Variants in DLG2 observed in about 807,000 individuals in gnomAD.
DLG2 encodes disks large homolog 2.
DLG2 carries 45 observed loss-of-function variants against 132.5 expected under a neutral mutation model. That is an observed-to-expected ratio of 0.34 (90% CI 0.27 to 0.44). The LOEUF is 0.44. Ranked by LOEUF, DLG2 falls within the 20% of genes least tolerant of loss-of-function variation. The pLI, the probability that DLG2 is intolerant of heterozygous loss-of-function variation, is 1.00. For missense variants in DLG2, 1,045 were observed against 1,196.9 expected, an observed-to-expected ratio of 0.87 and a Z score of 1.87; for synonymous variants, 424 against 419.6, an observed-to-expected ratio of 1.01 and a Z score of -0.13.
At chr11:85,310,020 A>G (rs1414544656) in intron 3 of DLG2, among the ~76,000 whole-genome samples, 1 of 152,180 alleles carries the variant, frequency 6.6e-6, no homozygotes, top group Non-Finnish European at 1.5e-5. Flanking sequence ...AAAGCTATAA[A>G]CCATCCAATT....
intron 3 of DLG2, among the ~76,000 whole-genome samples, chr11:85,502,237 G>A (rs941982302): frequency 6.6e-6 from 1 of 152,020 alleles, no homozygotes; most frequent in Admixed American, 6.6e-5. Context: ...ATGGAGACAG[G>A]GAGGGGAACA....
At chr11:84,406,913 G>A (rs2098854321) in intron 7 of DLG2, among the ~76,000 whole-genome samples, 2 of 152,204 alleles carry the variant, frequency 1.3e-5, no homozygotes, top group South Asian at 4.1e-4. Flanking sequence ...AGAGGGAAAA[G>A]GAGACTGTCA....
chr11:83,827,140 A>G (rs970397538), intron 17 of DLG2, among the ~76,000 whole-genome samples: 1 of 152,294 alleles, frequency 6.6e-6, no homozygotes, highest in Non-Finnish European at 1.5e-5. Context: ...CTGGCGGCTC[A>G]TATGAGGACC....
chr11:83,467,796 TATATATATATATATAC>T lies in DLG2; in HGVS notation c.2620-995_2620-980del, dbSNP rs1486220821. 4.2e-3 allele frequency among the ~76,000 whole-genome samples: 442 copies of T among 105,394 alleles called. 10 individuals are homozygous for T. The highest frequency in any genetic ancestry group is 0.017 in the African/African-American group (427 of 24,562). 69.1% of individuals were successfully genotyped at this position (105,394 alleles called of 152,430 possible). ...GTATATATATATATATATATATATA[TATATATATATATATAC>T]ACACACACATATAAAATATATAATT... On this transcript the variant is annotated intron_variant, in intron 25 of 27. Transcript: ENST00000376104.
chr11:85,460,710 G>T (rs888518359), intron 3 of DLG2, among the ~76,000 whole-genome samples: 4 of 152,140 alleles, frequency 2.6e-5, no homozygotes. Flanking sequence ...TAATCAATTT[G>T]CCTTGTCTTT....
At chr11:85,612,922 G>A (rs978224372) in intron 2 of DLG2, among the ~76,000 whole-genome samples, 2 of 152,110 alleles carry the variant, frequency 1.3e-5, no homozygotes, top group Non-Finnish European at 2.9e-5. Flanking sequence ...CAGACTCTTT[G>A]GCAGCAGTGA....
In DLG2 at chr11:83,778,012, G is replaced by C. The variant is rs1286193394; in HGVS notation, c.1825+8678C>G. On this transcript the variant is annotated intron_variant, in intron 18 of 27. Coordinates refer to ENST00000376104, the MANE Select transcript of DLG2 (RefSeq NM_001142699.3). ...CAATAAAGTTGCAGAGTGAGGGACA[G>C]GACGAGAAAAGTGCCTCATTACTCA... Among the ~76,000 whole-genome samples, 3 of 152,150 alleles carry C rather than the reference G, an allele frequency of 2.0e-5. No homozygotes were observed. In the East Asian group the frequency reaches 5.8e-4, roughly 29 times the overall value.
chr11:84,359,132 A>C (rs79819284), intron 7 of DLG2, among the ~76,000 whole-genome samples: 8,669 of 151,964 alleles, frequency 0.057, 844 homozygotes, highest in African/African-American at 0.2. Flanking sequence ...TCAATACAAT[A>C]ATATGCTTCC....
At chr11:85,338,641 C>T (rs1164084421) in intron 3 of DLG2, among the ~76,000 whole-genome samples, 3 of 151,744 alleles carry the variant, frequency 2.0e-5, no homozygotes, top group African/African-American at 7.3e-5. Flanking sequence ...CATCCTGCTA[C>T]CTAAAGCCCA....
intron 9 of DLG2, among the ~76,000 whole-genome samples, chr11:84,101,843 T>C (rs1309993597): frequency 6.6e-6 from 1 of 152,080 alleles, no homozygotes; most frequent in Non-Finnish European, 1.5e-5. Flanking sequence ...CCAAATGCTT[T>C]CTCCTGATAC....
At chr11:83,685,029 A>C (rs1283875472) in intron 18 of DLG2, among the ~76,000 whole-genome samples, 2 of 152,138 alleles carry the variant, frequency 1.3e-5, no homozygotes, top group Non-Finnish European at 2.9e-5. Flanking sequence ...GTATTTATTG[A>C]GCACTTATTA....
At chr11:85,508,827 C>T (rs895142615) in intron 3 of DLG2, among the ~76,000 whole-genome samples, 5 of 151,936 alleles carry the variant, frequency 3.3e-5, no homozygotes, top group Admixed American at 6.6e-5. Flanking sequence ...TAGCACCTAG[C>T]TTAGCATCTG....
intron 9 of DLG2, among the ~76,000 whole-genome samples, chr11:84,109,230 G>A (rs2093183637): frequency 6.6e-6 from 1 of 152,166 alleles, no homozygotes. Flanking sequence ...AATAGGGTGG[G>A]TTATTGCAGG....
chr11:84,483,205 G>C (rs1161434198), intron 7 of DLG2, among the ~76,000 whole-genome samples: 1 of 152,004 alleles, frequency 6.6e-6, no homozygotes, highest in Non-Finnish European at 1.5e-5. Context: ...GGCCGAGGCG[G>C]GCTCATCACC....
intron 18 of DLG2, among the ~76,000 whole-genome samples, chr11:83,753,842 A>ATATT (rs2093490914): frequency 8.5e-5 from 1 of 11,754 alleles, no homozygotes; most frequent in Non-Finnish European, 1.3e-4. Context: ...TATGATATAT[A>ATATT]TCATATATAT....
chr11:84,548,329 G>A (rs547598854), intron 6 of DLG2, among the ~76,000 whole-genome samples: 10 of 151,658 alleles, frequency 6.6e-5, no homozygotes, highest in Admixed American at 2.0e-4. Context: ...TGTGCACAAC[G>A]TGCAGGTTTG....
intron 3 of DLG2, among the ~76,000 whole-genome samples, chr11:85,442,488 T>G (rs986740342): frequency 1.4e-4 from 22 of 152,126 alleles, no homozygotes; most frequent in African/African-American, 5.3e-4. Flanking sequence ...GAGTTTAGCA[T>G]GAGAAACCTC....
rs1395997532 is a variant in DLG2 at position 84,991,534 on chromosome 11, A to G, written c.357+120127T>C. 4.0e-5 allele frequency among the ~76,000 whole-genome samples: 6 copies of G among 151,310 alleles called. No individual in the cohort carries two copies. The East Asian group carries it at 9.7e-4, about 24-fold the overall frequency. The stretch of plus-strand genomic sequence containing the variant: ...AAAAAAAAAAAAAAAAAAGAAAGAA[A>G]GAAAGGAAGAAAGAAAAATAAAGAA... On this transcript the variant is annotated intron_variant, in intron 6 of 27. Transcript: ENST00000376104.
Position 83,513,981 on chromosome 11 carries a change from C to A in DLG2, c.2193+18727G>T, listed in dbSNP as rs148111033. Among the ~76,000 whole-genome samples, 350 of 152,230 alleles carry A rather than the reference C, an allele frequency of 2.3e-3. 5 individuals are homozygous for A. Among genetic ancestry groups the A allele is most frequent in the African/African-American group, 7.9e-3 (328 of 41,528 alleles). On this transcript the variant is annotated intron_variant, in intron 21 of 27. Coordinates refer to ENST00000376104, the MANE Select transcript of DLG2 (RefSeq NM_001142699.3). ...GTAGCGTGATACCTCCAGCTTTGTT[C>A]TTTTGGCTTAGGATTGACTTGGCAA...
Sources: allele counts gnomAD v4.1 joint callset (sites outside exome capture counted in the v4.1 genomes callset), GRCh38; gene constraint gnomAD v4.1.1; transcripts MANE v1.5; gene names NCBI Gene and HGNC (gene_info 2026-07-23, HGNC 2026-07-21).